MED15: variants seen among roughly 807,000 people sequenced by gnomAD.
MED15 encodes mediator complex subunit 15.
A neutral mutation model predicts 118.7 loss-of-function variants in MED15; 41 were observed. The observed-to-expected ratio is 0.35, with a 90% confidence interval of 0.27 to 0.45. MED15 has a LOEUF of 0.45. Among genes scored for constraint, MED15 ranks in the 20% least tolerant of loss-of-function variants. MED15 has a pLI of 1.00. For synonymous variants in MED15, 436 were observed against 413.9 expected (o/e 1.05, Z -0.65); for missense variants, 740 against 1,025.5 (o/e 0.72, Z 3.80).
chr22:20,527,769 T>TCAATATGGTGAAACCCCATCTCTA (rs1237538858), intron 1 of MED15, among the ~76,000 whole-genome samples: 2 of 151,780 alleles, frequency 1.3e-5, no homozygotes, highest in Non-Finnish European at 2.9e-5. Flanking sequence ...ACTAGCCTGG[T>TCAATATGGTGAAACCCCATCTCTA]CAATATGGTG....
chr22:20,584,717 T>C, intron 14 of MED15, 138 bp from the exon 15 acceptor site: 1 of 1,115,186 alleles, frequency 9.0e-7, no homozygotes, highest in Non-Finnish European at 1.3e-6. Flanking sequence ...TCAGCCAACA[T>C]TGTCTGCACA....
At chr22:20,583,049 C>T (rs1205356672) in intron 11 of MED15, 64 bp from the exon 12 acceptor site, 21 of 1,563,066 alleles carry the variant, frequency 1.3e-5, no homozygotes, top group Non-Finnish European at 1.8e-5. Context: ...CTCTGGGGCC[C>T]TCAGAGCTCA....
At position 20,580,160 on chromosome 22, in the gene MED15, C is replaced by T. The variant is rs550088052; in HGVS notation, c.1273-2451C>T. 1.2e-4 allele frequency among the ~76,000 whole-genome samples: 18 copies of T among 152,288 alleles called. No homozygotes were observed. The East Asian group carries it at 2.9e-3, about 25-fold the overall frequency. On this transcript the variant is annotated intron_variant, in intron 9 of 17. Transcript: ENST00000263205. ...TAGGCTCTGCTGGCCACCAGCTGCCCTGACCTGGGGCAGCTGAAGAACTGA... is the reference window on the plus strand; with the variant it reads ...TAGGCTCTGCTGGCCACCAGCTGCCTTGACCTGGGGCAGCTGAAGAACTGA...
At chr22:20,557,641 CAT>C (rs1226010761) in intron 5 of MED15, among the ~76,000 whole-genome samples, 2 of 152,190 alleles carry the variant, frequency 1.3e-5, no homozygotes, top group Non-Finnish European at 2.9e-5. Context: ...AGAATGCTCA[CAT>C]GAGTTGCCTT....
intron 1 of MED15, among the ~76,000 whole-genome samples, chr22:20,513,869 C>T (rs1217646653): frequency 2.0e-5 from 3 of 152,070 alleles, no homozygotes; most frequent in African/African-American, 4.8e-5. Context: ...TTCATGTTGG[C>T]ATTTTCTTTT....
chr22:20,535,608 G>A (rs2146437424), intron 1 of MED15, among the ~76,000 whole-genome samples: 1 of 150,844 alleles, frequency 6.6e-6, no homozygotes, highest in East Asian at 1.9e-4. Context: ...TGCCCAGGCT[G>A]AAGTGCAGTG....
intron 9 of MED15, among the ~76,000 whole-genome samples, chr22:20,581,178 C>G (rs897278404): frequency 1.3e-5 from 2 of 152,244 alleles, no homozygotes; most frequent in African/African-American, 4.8e-5. Context: ...CCCAGCATCC[C>G]TTGCAGCACT....
chr22:20,582,751 G>A lies in MED15; in HGVS notation c.1409+4G>A. 6.3e-7 allele frequency: 1 copy of A among 1,588,298 alleles called. No individual in the cohort carries two copies. Among genetic ancestry groups the A allele is most frequent in the Non-Finnish European group, 8.5e-7 (1 of 1,171,582 alleles). ...CACAGCCCAACTCCAACGTCAGGTA[G>A]GCCTGGCCTGGGGTGCCCCTCCCCA... On this transcript the variant is annotated splice_donor_region_variant and intron_variant, in intron 10 of 17. Coordinates refer to ENST00000263205, the MANE Select transcript of MED15 (RefSeq NM_001003891.3).
chr22:20,568,587 G>A lies in MED15; in HGVS notation c.1108G>A (p.Val370Ile), dbSNP rs747609243. 2.0e-5 allele frequency: 32 copies of A among 1,613,760 alleles called. No individual in the cohort carries two copies. The highest frequency in any genetic ancestry group is 2.7e-5 in the Non-Finnish European group (32 of 1,180,022). Residue 370 changes from valine to isoleucine, a missense_variant, in exon 8 of 18, where the codon GTA becomes ATA. By Grantham distance (29) the Val-to-Ile change is conservative. This residue lies in a region of MED15 where 384 missense variants were observed against 506.3 expected (regional missense o/e 0.76). Transcript: ENST00000263205. ...CCAGGTGCAGCAGCAGCAGACAGCA[G>A]TACAGACAGCTCAGGCTGCCCAGAT... ...QPQVQQQQTA[V>I]QTAQAAQMVA...
chr22:20,526,807 G>GT (rs1217777360), intron 1 of MED15, among the ~76,000 whole-genome samples: 1 of 152,160 alleles, frequency 6.6e-6, no homozygotes, highest in African/African-American at 2.4e-5. Flanking sequence ...CGCAGGTGTG[G>GT]TGTGACAGCC....
intron 1 of MED15, among the ~76,000 whole-genome samples, chr22:20,531,540 C>A (rs1215957556): frequency 6.6e-6 from 1 of 152,210 alleles, no homozygotes; most frequent in African/African-American, 2.4e-5. Context: ...AGCTGCCTGC[C>A]CCAGCACACG....
intron 1 of MED15, 174 bp downstream of exon 1, chr22:20,507,920 T>G (rs1281021338): frequency 2.1e-6 from 3 of 1,450,654 alleles, no homozygotes; most frequent in Non-Finnish European, 1.8e-6. Flanking sequence ...GTTCCCGACA[T>G]GGACTGCTCG....
At chr22:20,547,066 G>GTGTCTTT (rs977761224) in intron 2 of MED15, among the ~76,000 whole-genome samples, 3 of 151,430 alleles carry the variant, frequency 2.0e-5, no homozygotes, top group African/African-American at 4.9e-5. Context: ...TTTTAAACAT[G>GTGTCTTT]TGTCTTTTCT....
chr22:20,513,057 A>G lies in MED15; in HGVS notation c.68+5311A>G, dbSNP rs78105964. Among the ~76,000 whole-genome samples the G allele has an allele frequency of 1.3e-3, 190 of 151,722 alleles. 2 individuals are homozygous for G. Among genetic ancestry groups the G allele is most frequent in the Non-Finnish European group, 8.1e-4 (55 of 67,896 alleles). On this transcript the variant is annotated intron_variant, in intron 1 of 17. Coordinates refer to ENST00000263205, the MANE Select transcript of MED15 (RefSeq NM_001003891.3). ...GCCCGGCCGGGTCACCTCTTGTATT[A>G]CAGTGGTATTCTTTATTTTTTTATT...
At chr22:20,555,791 G>A (rs980307023) in intron 5 of MED15, among the ~76,000 whole-genome samples, 2 of 152,180 alleles carry the variant, frequency 1.3e-5, no homozygotes, top group African/African-American at 4.8e-5. Flanking sequence ...GCACAATCAC[G>A]GCTCACTGCA....
intron 4 of MED15, chr22:20,554,213 G>A (rs977489003): frequency 6.6e-6 from 1 of 152,358 alleles, no homozygotes; most frequent in African/African-American, 2.4e-5. Flanking sequence ...TTGGAGCATG[G>A]GGTCCTGGGT....
At chr22:20,541,650 ATTT>A (rs35805990) in intron 2 of MED15, among the ~76,000 whole-genome samples, 9 of 125,504 alleles carry the variant, frequency 7.2e-5, no homozygotes, top group Admixed American at 8.2e-5. Context: ...CACCCAGCTA[ATTT>A]TTTTTTTTTT....
intron 8 of MED15, among the ~76,000 whole-genome samples, chr22:20,570,420 C>G (rs2056603385): frequency 7.0e-6 from 1 of 142,744 alleles, no homozygotes; most frequent in African/African-American, 2.6e-5. Context: ...GAGACAGAGT[C>G]TGACTCTGTC....
intron 2 of MED15, among the ~76,000 whole-genome samples, chr22:20,539,513 T>C (rs183956703): frequency 7.2e-5 from 11 of 152,376 alleles, no homozygotes; most frequent in South Asian, 2.1e-4. Flanking sequence ...GTTTCTACTT[T>C]TTGGTTATTA....
Sources: allele counts gnomAD v4.1 joint callset (sites outside exome capture counted in the v4.1 genomes callset), GRCh38; gene constraint gnomAD v4.1.1; regional missense constraint gnomAD v4.1.1; transcripts MANE v1.5; gene names NCBI Gene and HGNC (gene_info 2026-07-23, HGNC 2026-07-21).